Variants in ERC2 observed in about 807,000 individuals in gnomAD.
ERC2 encodes ELKS/RAB6-interacting/CAST family member 2, also known as ERC protein 2.
ERC2 carries 42 observed loss-of-function variants against 114.8 expected under a neutral mutation model. The observed-to-expected ratio is 0.37, with a 90% confidence interval of 0.29 to 0.47. The LOEUF is 0.47. Ranked by LOEUF, ERC2 falls within the 20% of genes least tolerant of loss-of-function variation. The probability of loss-of-function intolerance (pLI) is 0.99; values close to 1 mark genes in which losing one functional copy is unlikely to be tolerated. For missense variants in ERC2, 939 were observed against 1,150.7 expected, an observed-to-expected ratio of 0.82 and a Z score of 2.66; for synonymous variants, 454 against 425.5, an observed-to-expected ratio of 1.07 and a Z score of -0.82.
At chr3:55,528,181 A>C (rs1053945930) in intron 17 of ERC2, among the ~76,000 whole-genome samples, 2 of 152,264 alleles carry the variant, frequency 1.3e-5, no homozygotes, top group Non-Finnish European at 2.9e-5. Flanking sequence ...CCTTTAGAAC[A>C]ACAAAGCAAT....
At chr3:55,980,245 G>A (rs1179386706) in intron 12 of ERC2, among the ~76,000 whole-genome samples, 2 of 151,742 alleles carry the variant, frequency 1.3e-5, no homozygotes, top group Admixed American at 6.6e-5. Flanking sequence ...TAAAATGAGA[G>A]AGCAGCAAAT....
intron 2 of ERC2, among the ~76,000 whole-genome samples, chr3:56,398,117 G>GT (rs1263274143): frequency 6.6e-6 from 1 of 152,198 alleles, no homozygotes; most frequent in East Asian, 1.9e-4. Context: ...TGTTGCTAGA[G>GT]TATGTGGGGG....
Position 55,677,072 on chromosome 3 carries a change from G to C in ERC2, c.*39+6722C>G, listed in dbSNP as rs148398147. Among the ~76,000 whole-genome samples, 17 of 152,286 alleles carry C rather than the reference G, an allele frequency of 1.1e-4. No individual in the cohort carries two copies. In the South Asian group the frequency reaches 2.3e-3, roughly 20 times the overall value. Reference sequence around the variant, plus strand: ...TGGCCCCCAAGTCCATCACCCTTGAGAGCAGAAAGAGGTGGACTGAGACAT... The same window carrying C: ...TGGCCCCCAAGTCCATCACCCTTGACAGCAGAAAGAGGTGGACTGAGACAT... On this transcript the variant is annotated intron_variant, in intron 17 of 17. Transcript: ENST00000288221.
chr3:55,528,883 G>C (rs941384231), intron 17 of ERC2, among the ~76,000 whole-genome samples: 2 of 152,206 alleles, frequency 1.3e-5, no homozygotes, highest in Admixed American at 6.5e-5. Context: ...TGTCCCTGGG[G>C]GTGGGGAGGG....
rs59418105 is a variant in ERC2, at chr3:55,808,757, CATAT to C, written c.2565-73843_2565-73840del. Among the ~76,000 whole-genome samples, 468 of 96,988 alleles carry C rather than the reference CATAT, an allele frequency of 4.8e-3. 13 individuals are homozygous for C. The highest frequency in any genetic ancestry group is 0.017 in the African/African-American group (436 of 26,054). 63.6% of individuals were successfully genotyped at this position (96,988 alleles called of 152,430 possible). A position where few individuals can be genotyped will look rare whatever the true frequency, so the allele number is the denominator to read the frequency against. The stretch of plus-strand genomic sequence containing the variant: ...TATATATATATAACGTATAACTAAA[CATAT>C]ATATATATATATATAATTGTGAGAG... On this transcript the variant is annotated intron_variant, in intron 14 of 17. Transcript: ENST00000288221.
At chr3:56,181,978 G>A (rs1199574765) in intron 3 of ERC2, among the ~76,000 whole-genome samples, 1 of 152,158 alleles carries the variant, frequency 6.6e-6, no homozygotes, top group Non-Finnish European at 1.5e-5. Flanking sequence ...CCTCATAAGG[G>A]GCACTGGGCC....
intron 14 of ERC2, among the ~76,000 whole-genome samples, chr3:55,743,110 C>T (rs753421619): frequency 3.9e-5 from 6 of 152,190 alleles, no homozygotes; most frequent in East Asian, 3.9e-4. Flanking sequence ...ACTCCAATTA[C>T]GGAGAATTCT....
chr3:56,382,382 T>A (rs1232093016), intron 2 of ERC2, among the ~76,000 whole-genome samples: 1 of 152,154 alleles, frequency 6.6e-6, no homozygotes, highest in African/African-American at 2.4e-5. Flanking sequence ...CCTACCATCC[T>A]ATTTCTCTCC....
intron 17 of ERC2, among the ~76,000 whole-genome samples, chr3:55,592,086 C>T (rs915477279): frequency 6.6e-6 from 1 of 152,134 alleles, no homozygotes; most frequent in Non-Finnish European, 1.5e-5. Context: ...TAGGATTCTA[C>T]GTGACTAGGA....
chr3:55,803,530 T>A (rs565440903), intron 14 of ERC2, among the ~76,000 whole-genome samples: 2 of 145,656 alleles, frequency 1.4e-5, no homozygotes, highest in African/African-American at 5.0e-5. Context: ...TTTCTGGTAA[T>A]TTTTTTTTTT....
chr3:55,698,923 G>A (rs1194006798), intron 16 of ERC2, among the ~76,000 whole-genome samples: 2 of 152,124 alleles, frequency 1.3e-5, no homozygotes, highest in South Asian at 2.1e-4. Context: ...TGGCTAAAAC[G>A]CAGGCAAAAC....
At chr3:56,111,603 C>T (rs991280660) in intron 6 of ERC2, among the ~76,000 whole-genome samples, 1 of 152,152 alleles carries the variant, frequency 6.6e-6, no homozygotes, top group Non-Finnish European at 1.5e-5. Flanking sequence ...CAAGACAAAG[C>T]TCAGTAAGTC....
At chr3:55,926,415 T>TA (rs3076615) in intron 13 of ERC2, among the ~76,000 whole-genome samples, 54,787 of 148,186 alleles carry the variant, frequency 0.37, 10,707 homozygotes, top group East Asian at 0.56. Context: ...TTTTTGTTTT[T>TA]AAAAAAAAAA....
At chr3:56,384,910 T>G (rs2106768127) in intron 2 of ERC2, among the ~76,000 whole-genome samples, 1 of 152,280 alleles carries the variant, frequency 6.6e-6, no homozygotes, top group African/African-American at 2.4e-5. Flanking sequence ...CAGTATCCAG[T>G]TTTTCCAACA....
At chr3:56,284,039 T>G (rs926088932) in intron 3 of ERC2, among the ~76,000 whole-genome samples, 2 of 152,246 alleles carry the variant, frequency 1.3e-5, no homozygotes, top group African/African-American at 4.8e-5. Context: ...ATGCACTAAC[T>G]AATTCACACT....
intron 7 of ERC2, among the ~76,000 whole-genome samples, chr3:56,074,213 T>C (rs2076871517): frequency 6.6e-6 from 1 of 152,140 alleles, no homozygotes; most frequent in African/African-American, 2.4e-5. Flanking sequence ...AATAGCTCCA[T>C]CCCTTTCCTG....
intron 17 of ERC2, among the ~76,000 whole-genome samples, chr3:55,586,146 G>A (rs1413564398): frequency 6.6e-6 from 1 of 152,126 alleles, no homozygotes; most frequent in Admixed American, 6.5e-5. Context: ...CTGGCGGGGT[G>A]GGGAGGGAGT....
chr3:55,533,457 G>A (rs1347505665), intron 17 of ERC2, among the ~76,000 whole-genome samples: 3 of 152,214 alleles, frequency 2.0e-5, no homozygotes, highest in Non-Finnish European at 2.9e-5. Flanking sequence ...TAAGCACACA[G>A]CATGTCTTTT....
At chr3:56,345,749 G>C (rs541622369) in intron 2 of ERC2, among the ~76,000 whole-genome samples, 1 of 152,180 alleles carries the variant, frequency 6.6e-6, no homozygotes, top group Non-Finnish European at 1.5e-5. Context: ...GGTTTCCGCT[G>C]TCTTGGATAA....
Sources: gnomAD v4.1 joint callset for allele counts (sites outside exome capture counted in the v4.1 genomes callset) on GRCh38, gnomAD v4.1.1 for gene constraint, MANE v1.5 for transcripts, NCBI Gene and HGNC (gene_info 2026-07-23, HGNC 2026-07-21) for gene names.